Variants in ACBD6 observed in about 807,000 individuals in gnomAD.
ACBD6 encodes the protein acyl-CoA binding domain containing 6.
A neutral mutation model predicts 37.2 loss-of-function variants in ACBD6; 28 were observed. The observed-to-expected ratio is 0.75, with a 90% CI of 0.56 to 1.03. The LOEUF (loss-of-function observed/expected upper bound fraction) is 1.03. Ranked by LOEUF, ACBD6 falls within the 50% of genes least tolerant of loss-of-function variation. The pLI is 0.00. For synonymous variants in ACBD6, 113 were observed against 126.8 expected (o/e 0.89, Z 0.73); for missense variants, 340 against 337.4 (o/e 1.01, Z -0.06).
downstream of ACBD6, among the ~76,000 whole-genome samples, chr1:180,285,939 T>C (rs1649483825): frequency 6.6e-6 from 1 of 152,178 alleles, no homozygotes; most frequent in Non-Finnish European, 1.5e-5. Flanking sequence ...AGAAACATAA[T>C]TGTAATAGGT....
At chr1:180,480,063 T>G (rs938398529) in intron 3 of ACBD6, among the ~76,000 whole-genome samples, 2 of 152,122 alleles carry the variant, frequency 1.3e-5, no homozygotes, top group East Asian at 3.9e-4. Flanking sequence ...AAATAAAAGA[T>G]GAAGAGGGAT....
chr1:180,497,965 A>G (rs984233858), intron 1 of ACBD6, among the ~76,000 whole-genome samples: 7 of 152,256 alleles, frequency 4.6e-5, no homozygotes, highest in Non-Finnish European at 8.8e-5. Flanking sequence ...ATCTGAACTC[A>G]TATCAATGAA....
chr1:180,422,024 G>A (rs758718724), intron 4 of ACBD6, among the ~76,000 whole-genome samples: 3 of 151,904 alleles, frequency 2.0e-5, no homozygotes, highest in Admixed American at 2.0e-4. Context: ...CTTTTGCTTT[G>A]TCACAGAATG....
At chr1:180,271,528 C>G in exon 14 of ACBD6, 1 of 1,614,080 alleles carries the variant, frequency 6.2e-7, no homozygotes, top group Non-Finnish European at 8.5e-7. Flanking sequence ...ACATGAGGGT[C>G]GTACAGGTGA....
At position 180,435,687 on chromosome 1, in the gene ACBD6, A is replaced by C. The variant is rs11577505; in HGVS notation, c.385-5425T>G. On this transcript the variant is annotated intron_variant, in intron 3 of 7. Transcript: ENST00000367595. ...GGCAGCTCCATTTACCAGAAGGTGA[A>C]CAAGAAGTTAGAGACCGCTGTCAAT... 8 of 901,000 alleles carry C rather than the reference A, an allele frequency of 8.9e-6. No homozygotes were observed. The Admixed American group carries it at 1.4e-4, about 15-fold the overall frequency. The allele number at this position is 901,000 out of a possible 1,614,324, so 55.8% of individuals were successfully genotyped here.
chr1:180,478,829 A>AT (rs750841105), intron 3 of ACBD6, among the ~76,000 whole-genome samples: 2 of 152,020 alleles, frequency 1.3e-5, no homozygotes, highest in Admixed American at 1.3e-4. Flanking sequence ...AGAAATGCCT[A>AT]TTTCAGATAT....
chr1:180,281,137 G>A (rs537946993), intron 9 of ACBD6, among the ~76,000 whole-genome samples: 3 of 152,168 alleles, frequency 2.0e-5, no homozygotes, highest in Non-Finnish European at 4.4e-5. Flanking sequence ...GCTCACAAAG[G>A]AGAGAAGATC....
At chr1:180,471,865 A>G (rs1650582789) in intron 3 of ACBD6, among the ~76,000 whole-genome samples, 1 of 152,238 alleles carries the variant, frequency 6.6e-6, no homozygotes, top group Non-Finnish European at 1.5e-5. Flanking sequence ...ATTTTATTTA[A>G]GCATAAAAAT....
chr1:180,331,313 T>A (rs981164585), intron 6 of ACBD6, among the ~76,000 whole-genome samples: 1 of 152,224 alleles, frequency 6.6e-6, no homozygotes, highest in Non-Finnish European at 1.5e-5. Flanking sequence ...CTTAGTAATA[T>A]AACTAACATC....
chr1:180,304,335 C>T (rs1650259700), intron 7 of ACBD6, among the ~76,000 whole-genome samples: 1 of 150,828 alleles, frequency 6.6e-6, no homozygotes, highest in South Asian at 2.1e-4. Flanking sequence ...TTGCAGATGA[C>T]ATGACTGTGT....
At chr1:180,493,524 T>C (rs1463651030) in intron 2 of ACBD6, among the ~76,000 whole-genome samples, 1 of 152,146 alleles carries the variant, frequency 6.6e-6, no homozygotes, top group Non-Finnish European at 1.5e-5. Context: ...TTTCACTACC[T>C]TCCTGCTTCT....
At chr1:180,333,541 T>C (rs939018902) in intron 6 of ACBD6, among the ~76,000 whole-genome samples, 6 of 152,182 alleles carry the variant, frequency 3.9e-5, no homozygotes, top group African/African-American at 1.4e-4. Flanking sequence ...AGGATGTTCA[T>C]GGCTTAAATT....
rs375677038 is a variant in ACBD6 at position 180,476,487 on chromosome 1, A to C, written c.384+15782T>G. 7.2e-5 allele frequency among the ~76,000 whole-genome samples: 11 copies of C among 152,298 alleles called. No homozygotes were observed. The East Asian group carries it at 1.5e-3, about 21-fold the overall frequency. On this transcript the variant is annotated intron_variant, in intron 3 of 7. Transcript: ENST00000367595. ...ATACAATGCTTCTTTTCCTCAACTG[A>C]CAAGTATCACAAAAGAAAATTTAAA...
chr1:180,350,921 C>T (rs1571395767), intron 6 of ACBD6, among the ~76,000 whole-genome samples: 2 of 152,182 alleles, frequency 1.3e-5, no homozygotes, highest in South Asian at 2.1e-4. Context: ...GCAGGAACCA[C>T]AGTTTGTACC....
In ACBD6 at chr1:180,395,741, G is replaced by A. The variant is rs548620479; in HGVS notation, c.663+1775C>T. On this transcript the variant is annotated intron_variant, in intron 6 of 7. Transcript: ENST00000367595. The stretch of plus-strand genomic sequence containing the variant: ...GTGCAGCTACTGTGGGAAACAATAT[G>A]GCAATTCCTCAAAAAATTAAACGTA... 5.9e-5 allele frequency among the ~76,000 whole-genome samples: 9 copies of A among 152,188 alleles called. 1 individual carries two copies. In the South Asian group the frequency reaches 1.9e-3, roughly 32 times the overall value.
intron 3 of ACBD6, among the ~76,000 whole-genome samples, chr1:180,482,833 A>G (rs1412953184): frequency 6.6e-6 from 1 of 152,196 alleles, no homozygotes; most frequent in Non-Finnish European, 1.5e-5. Context: ...AAGTGAAAAG[A>G]TACTTCTAGG....
chr1:180,458,572 C>A (rs992903813), intron 3 of ACBD6, among the ~76,000 whole-genome samples: 1 of 151,864 alleles, frequency 6.6e-6, no homozygotes, highest in East Asian at 1.9e-4. Flanking sequence ...GAAGGCTTCA[C>A]GGAATAAACA....
At chr1:180,421,563 C>T (rs1448027656) in intron 4 of ACBD6, among the ~76,000 whole-genome samples, 1 of 152,158 alleles carries the variant, frequency 6.6e-6, no homozygotes, top group Non-Finnish European at 1.5e-5. Context: ...CTAGGTCTTG[C>T]AGGAATTGTC....
chr1:180,383,177 G>C (rs1314636597), intron 6 of ACBD6, among the ~76,000 whole-genome samples: 1 of 152,142 alleles, frequency 6.6e-6, no homozygotes, highest in Non-Finnish European at 1.5e-5. Flanking sequence ...CACAGTACTG[G>C]AAGTGTTAGT....
Sources: gnomAD v4.1 joint callset for allele counts (sites outside exome capture counted in the v4.1 genomes callset) on GRCh38, gnomAD v4.1.1 for gene constraint, MANE v1.5 for transcripts, NCBI Gene and HGNC (gene_info 2026-07-23, HGNC 2026-07-21) for gene names.